The following GSE1 variants were observed in gnomAD, a reference collection of about 807,000 sequenced individuals.
The protein encoded by GSE1 is genetic suppressor element 1.
In GSE1, 32 loss-of-function variants were observed where a neutral mutation model predicts 112.6. The observed-to-expected ratio is 0.28, with a 90% CI of 0.21 to 0.38. The LOEUF (loss-of-function observed/expected upper bound fraction) is 0.38. Ranked by LOEUF, GSE1 falls within the 10% of genes least tolerant of loss-of-function variation. GSE1 has a pLI of 1.00. For synonymous variants in GSE1, 1,115 were observed against 735.6 expected (o/e 1.52, Z -8.35); for missense variants, 2,348 against 1,699.2 (o/e 1.38, Z -6.71).
chr16:85,482,781 C>T lies in GSE1; in HGVS notation c.2464+125138C>T, dbSNP rs539438619. Among the ~76,000 whole-genome samples the T allele has an allele frequency of 4.2e-3, 642 of 152,262 alleles. 3 individuals carry two copies. Among genetic ancestry groups the T allele is most frequent in the Non-Finnish European group, 6.9e-3 (471 of 68,016 alleles). ...TCACCTGAGGTCAGGAGTTCGAGAC[C>T]AGCCTGACCAACATGGCGAAACCCT... On this transcript the variant is annotated intron_variant, in intron 2 of 2. Coordinates refer to the GSE1 transcript ENST00000637419.
chr16:85,389,974 G>A (rs770141815), intron 2 of GSE1, among the ~76,000 whole-genome samples: 1 of 152,208 alleles, frequency 6.6e-6, no homozygotes, highest in African/African-American at 2.4e-5. Flanking sequence ...GGAAAGTGAG[G>A]CATGACTGAA....
chr16:85,643,308 A>AT (rs2050595671), intron 2 of GSE1, among the ~76,000 whole-genome samples: 1 of 152,032 alleles, frequency 6.6e-6, no homozygotes, highest in South Asian at 2.1e-4. Context: ...CGCGGTGAGA[A>AT]TGAGGGTTCG....
intron 1 of GSE1, among the ~76,000 whole-genome samples, chr16:85,248,101 G>A (rs1040766447): frequency 6.6e-6 from 1 of 152,208 alleles, no homozygotes; most frequent in Non-Finnish European, 1.5e-5. Context: ...GGGGTGCGTA[G>A]AGCTGCAGGT....
At chr16:85,374,941 A>C (rs2047386564) in intron 2 of GSE1, among the ~76,000 whole-genome samples, 1 of 152,098 alleles carries the variant, frequency 6.6e-6, no homozygotes, top group Non-Finnish European at 1.5e-5. Flanking sequence ...AGGCCATCCC[A>C]ATTGGGCACC....
chr16:85,339,293 G>A (rs1013797895), intron 1 of GSE1, among the ~76,000 whole-genome samples: 9 of 152,176 alleles, frequency 5.9e-5, no homozygotes, highest in African/African-American at 1.9e-4. Context: ...TCCAGCCGGC[G>A]ACATCCTTTT....
intron 2 of GSE1, among the ~76,000 whole-genome samples, chr16:85,523,669 C>T (rs2052267114): frequency 6.6e-6 from 1 of 152,204 alleles, no homozygotes; most frequent in South Asian, 2.1e-4. Flanking sequence ...TGCCTGCCTC[C>T]ACCCCCAAAC....
intron 2 of GSE1, among the ~76,000 whole-genome samples, chr16:85,392,079 AC>A (rs1317023573): frequency 6.7e-6 from 1 of 150,228 alleles, no homozygotes; most frequent in Non-Finnish European, 1.5e-5. Context: ...TCCCAGCCTC[AC>A]CCCCCACTCC....
intron 1 of GSE1, among the ~76,000 whole-genome samples, chr16:85,628,344 C>T (rs949811354): frequency 1.8e-4 from 28 of 152,326 alleles, no homozygotes; most frequent in African/African-American, 4.1e-4. Context: ...GGATGCTGCC[C>T]GCAGGGGACC....
chr16:85,592,071 T>C (rs1183665104), intron 1 of GSE1, among the ~76,000 whole-genome samples: 2 of 152,194 alleles, frequency 1.3e-5, no homozygotes, highest in Non-Finnish European at 2.9e-5. Flanking sequence ...CTCCCGTCAG[T>C]ACAGAGCTAG....
intron 1 of GSE1, among the ~76,000 whole-genome samples, chr16:85,213,367 C>T (rs547620444): frequency 2.6e-5 from 4 of 152,126 alleles, no homozygotes; most frequent in East Asian, 1.9e-4. Flanking sequence ...TGAGGGGGAT[C>T]GCTTGAGCTC....
intron 1 of GSE1, among the ~76,000 whole-genome samples, chr16:85,567,052 AC>A: frequency 1.5e-5 from 1 of 66,668 alleles, no homozygotes; most frequent in Non-Finnish European, 3.5e-5. Flanking sequence ...CCCCACCCCC[AC>A]CCCCACCCCC....
chr16:85,492,177 C>G (rs980484769), intron 2 of GSE1, among the ~76,000 whole-genome samples: 35 of 152,280 alleles, frequency 2.3e-4, no homozygotes, highest in African/African-American at 7.5e-4. Context: ...AGCTTTTTGG[C>G]GGGGACACAG....
At chr16:85,636,472 C>T (rs1032443807) in intron 2 of GSE1, among the ~76,000 whole-genome samples, 4 of 152,206 alleles carry the variant, frequency 2.6e-5, no homozygotes, top group Non-Finnish European at 5.9e-5. Context: ...CTGGGTGACT[C>T]GTTCCTCGTG....
At chr16:85,517,407 A>C (rs1017490370) in intron 2 of GSE1, among the ~76,000 whole-genome samples, 2 of 152,202 alleles carry the variant, frequency 1.3e-5, no homozygotes, top group African/African-American at 4.8e-5. Context: ...TCTGCACATA[A>C]AAAGCTTCCA....
At chr16:85,398,959 C>T (rs1179890810) in intron 2 of GSE1, among the ~76,000 whole-genome samples, 6 of 152,020 alleles carry the variant, frequency 3.9e-5, no homozygotes, top group Admixed American at 3.3e-4. Context: ...TTGTGTGTGC[C>T]TCTGGGTGTG....
chr16:85,589,811 TGTGA>T (rs929468297), intron 1 of GSE1, among the ~76,000 whole-genome samples: 24 of 144,420 alleles, frequency 1.7e-4, no homozygotes, highest in Admixed American at 6.7e-4. Flanking sequence ...CGTGTGTGAA[TGTGA>T]GTGTGAATAT....
At position 85,217,767 on chromosome 16, in the gene GSE1, T is replaced by C. The variant is rs1453664960; in HGVS notation, c.2283+45960T>C. Among the ~76,000 whole-genome samples, 3 of 152,174 alleles carry C rather than the reference T, an allele frequency of 2.0e-5. No individual in the cohort carries two copies. In the East Asian group the frequency reaches 5.8e-4, roughly 29 times the overall value. On this transcript the variant is annotated intron_variant, in intron 1 of 2. Transcript: ENST00000637419. Reference sequence around the variant, plus strand: ...GCCCTCCTGTTGCCCACGTCATTTTTCCCTGCTGCATCCTCCCCGAATCCT... The same window carrying C: ...GCCCTCCTGTTGCCCACGTCATTTTCCCCTGCTGCATCCTCCCCGAATCCT...
rs1263454001 is a variant in GSE1 at position 85,661,167 on chromosome 16, G to A, written c.1662G>A (p.Glu554=). Residue 554 remains glutamate (E), a synonymous_variant, in exon 9 of 16, where the codon GAG becomes GAA. Coordinates refer to ENST00000253458, the MANE Select transcript of GSE1 (RefSeq NM_014615.5). ...STTRPGPNRH[E]PGGRDPPQHF... ...CTAGGCCAGGACCAAACCGTCACGA[G>A]CCAGGTGGCCGTGACCCTCCGCAGC... The A allele has an allele frequency of 6.3e-7, 1 of 1,592,156 alleles. No homozygotes were observed.
intron 1 of GSE1, among the ~76,000 whole-genome samples, chr16:85,333,247 C>G (rs898535240): frequency 6.6e-6 from 1 of 152,146 alleles, no homozygotes; most frequent in African/African-American, 2.4e-5. Context: ...GGAAGCCTCA[C>G]CCTGGCTCTG....
Sources: allele counts gnomAD v4.1 joint callset (sites outside exome capture counted in the v4.1 genomes callset), GRCh38; gene constraint gnomAD v4.1.1; transcripts MANE v1.5; gene names NCBI Gene and HGNC (gene_info 2026-07-23, HGNC 2026-07-21).